HPSE2: variants seen among roughly 807,000 people sequenced by gnomAD.
The protein encoded by HPSE2 is heparanase 2 (inactive), also known as inactive heparanase-2.
In HPSE2, 38 loss-of-function variants were observed where a neutral mutation model predicts 60.5. The ratio of observed to expected loss-of-function variants is 0.63; its 90% CI spans 0.48 to 0.82. HPSE2 has a LOEUF of 0.82. Among genes scored for constraint, HPSE2 ranks in the 40% least tolerant of loss-of-function variants. The pLI, the probability that HPSE2 is intolerant of heterozygous loss-of-function variation, is 0.00. For missense variants in HPSE2, 713 were observed against 740.4 expected (o/e 0.96, Z 0.43); for synonymous variants, 295 against 293.2 (o/e 1.01, Z -0.06).
At chr10:98,845,161 C>T (rs1409038272) in intron 3 of HPSE2, among the ~76,000 whole-genome samples, 2 of 152,110 alleles carry the variant, frequency 1.3e-5, no homozygotes, top group Non-Finnish European at 2.9e-5. Context: ...GGGAGCTAGA[C>T]AGGAATGAGA....
rs138898730 is a variant in HPSE2 at position 98,862,027 on chromosome 10, T to C, written c.611-117971A>G. Among the ~76,000 whole-genome samples, 190 of 152,344 alleles carry C rather than the reference T, an allele frequency of 1.2e-3. 1 individual carries two copies. The highest frequency in any genetic ancestry group is 0.01 in the Middle Eastern group (3 of 294). ...TCCATGTTTGGACTGACAAAAAGTATGTGCTGTTAGTTAAATATTGGTTAA... is the reference window on the plus strand; with the variant it reads ...TCCATGTTTGGACTGACAAAAAGTACGTGCTGTTAGTTAAATATTGGTTAA... On this transcript the variant is annotated intron_variant, in intron 3 of 11. Transcript: ENST00000370552.
intron 9 of HPSE2, among the ~76,000 whole-genome samples, chr10:98,567,218 G>A (rs751454457): frequency 6.6e-6 from 1 of 152,224 alleles, no homozygotes; most frequent in Non-Finnish European, 1.5e-5. Flanking sequence ...ACAGGATGAG[G>A]TGTAAGGCAG....
intron 3 of HPSE2, among the ~76,000 whole-genome samples, chr10:98,987,586 G>T (rs1203423999): frequency 6.6e-6 from 1 of 152,122 alleles, no homozygotes; most frequent in South Asian, 2.1e-4. Context: ...ACTGGCACAA[G>T]ACAGGGATGC....
the HPSE2 span, among the ~76,000 whole-genome samples, chr10:99,305,314 T>C: frequency 1.3e-5 from 2 of 152,198 alleles, no homozygotes; most frequent in Admixed American, 1.3e-4. Context: ...CACAGAGCCT[T>C]GGTTCTAAAC....
chr10:99,174,848 A>G (rs1337433285), intron 2 of HPSE2, among the ~76,000 whole-genome samples: 1 of 152,220 alleles, frequency 6.6e-6, no homozygotes, highest in Non-Finnish European at 1.5e-5. Context: ...AAACAGCTCC[A>G]GTCTGTAGCT....
At chr10:98,701,581 G>A (rs1170713351) in intron 5 of HPSE2, among the ~76,000 whole-genome samples, 1 of 151,530 alleles carries the variant, frequency 6.6e-6, no homozygotes, top group East Asian at 1.9e-4. Flanking sequence ...CATGGCACAT[G>A]TATACATATG....
intron 3 of HPSE2, among the ~76,000 whole-genome samples, chr10:98,894,103 C>T (rs963189153): frequency 1.3e-5 from 2 of 152,118 alleles, no homozygotes; most frequent in African/African-American, 4.8e-5. Context: ...AAATCATAAT[C>T]TTATTATTTA....
chr10:98,547,819 AG>A (rs1564958640), intron 9 of HPSE2, among the ~76,000 whole-genome samples: 1 of 151,960 alleles, frequency 6.6e-6, no homozygotes, highest in African/African-American at 2.4e-5. Flanking sequence ...AATAAAAAAA[AG>A]AATAGAACAC....
At chr10:98,830,039 G>A (rs1951647535) in intron 3 of HPSE2, among the ~76,000 whole-genome samples, 1 of 151,980 alleles carries the variant, frequency 6.6e-6, no homozygotes, top group Non-Finnish European at 1.5e-5. Flanking sequence ...TCACTAATGG[G>A]GATTTTTAAA....
At chr10:98,675,176 C>T (rs1333651375) in intron 6 of HPSE2, among the ~76,000 whole-genome samples, 2 of 152,138 alleles carry the variant, frequency 1.3e-5, no homozygotes, top group African/African-American at 2.4e-5. Context: ...TTCTATCTAG[C>T]TGCTCCCTCT....
the HPSE2 span, among the ~76,000 whole-genome samples, chr10:99,282,981 G>A: frequency 6.6e-6 from 1 of 152,102 alleles, no homozygotes; most frequent in Admixed American, 6.6e-5. Context: ...TCAGGAGATC[G>A]AGACCATCCT....
chr10:99,294,381 CAT>C, the HPSE2 span, among the ~76,000 whole-genome samples: 45 of 143,904 alleles, frequency 3.1e-4, no homozygotes, highest in South Asian at 1.1e-3. Context: ...ATAATACATA[CAT>C]ATATAATATA....
intron 3 of HPSE2, among the ~76,000 whole-genome samples, chr10:98,813,924 A>G (rs1951225275): frequency 6.6e-6 from 1 of 152,198 alleles, no homozygotes; most frequent in Admixed American, 6.5e-5. Context: ...GAAAGAGACG[A>G]CTAATATGTA....
At chr10:99,033,770 G>C (rs746663844) in intron 3 of HPSE2, among the ~76,000 whole-genome samples, 32 of 151,380 alleles carry the variant, frequency 2.1e-4, no homozygotes, top group Non-Finnish European at 4.3e-4. Context: ...CTGAGTGACA[G>C]AGACTCCGTC....
At chr10:98,864,931 A>T (rs1213249517) in intron 3 of HPSE2, among the ~76,000 whole-genome samples, 1 of 152,088 alleles carries the variant, frequency 6.6e-6, no homozygotes, top group Non-Finnish European at 1.5e-5. Flanking sequence ...CTTCTTCAAC[A>T]CCTTAGAGGT....
intron 6 of HPSE2, among the ~76,000 whole-genome samples, chr10:98,664,504 G>A (rs2134095010): frequency 6.6e-6 from 1 of 152,230 alleles, no homozygotes; most frequent in East Asian, 1.9e-4. Context: ...CGATCAGAAG[G>A]GGCTCTTCCA....
At chr10:98,888,027 G>A (rs892623785) in intron 3 of HPSE2, among the ~76,000 whole-genome samples, 1 of 151,644 alleles carries the variant, frequency 6.6e-6, no homozygotes, top group Non-Finnish European at 1.5e-5. Flanking sequence ...AATAATAATT[G>A]TATACCTTTA....
chr10:98,749,162 C>T (rs999789665), intron 3 of HPSE2, among the ~76,000 whole-genome samples: 2 of 152,010 alleles, frequency 1.3e-5, no homozygotes, highest in African/African-American at 4.8e-5. Context: ...AATGAATTCA[C>T]ACTAAGATAT....
intron 4 of HPSE2, among the ~76,000 whole-genome samples, chr10:98,724,696 A>T (rs1949023305): frequency 6.6e-6 from 1 of 152,096 alleles, no homozygotes; most frequent in African/African-American, 2.4e-5. Context: ...CTTCTTTTTG[A>T]ATTGATCCCT....
Sources: allele counts gnomAD v4.1 joint callset (sites outside exome capture counted in the v4.1 genomes callset), GRCh38; gene constraint gnomAD v4.1.1; transcripts MANE v1.5; gene names NCBI Gene and HGNC (gene_info 2026-07-23, HGNC 2026-07-21).